FHIT: variants seen among roughly 807,000 people sequenced by gnomAD.
FHIT encodes fragile histidine triad diadenosine triphosphatase, also known as bis(5'-adenosyl)-triphosphatase.
A neutral mutation model predicts 17.9 loss-of-function variants in FHIT; 19 were observed. The observed-to-expected ratio is 1.06, with a 90% CI of 0.74 to 1.56. FHIT has a LOEUF of 1.56. Among genes scored for constraint, FHIT ranks in the 40% most tolerant of loss-of-function variants. The pLI is 0.00. For synonymous variants in FHIT, 81 were observed against 69.7 expected, an observed-to-expected ratio of 1.16 and a Z score of -0.81; for missense variants, 248 against 189.2, an observed-to-expected ratio of 1.31 and a Z score of -1.82.
At chr3:59,903,109 AGAAAT>A (rs1442029458) in intron 8 of FHIT, among the ~76,000 whole-genome samples, 1 of 152,228 alleles carries the variant, frequency 6.6e-6, no homozygotes, top group African/African-American at 2.4e-5. Context: ...CTGTAAAAAA[AGAAAT>A]GAAGTGCGGA....
intron 5 of FHIT, among the ~76,000 whole-genome samples, chr3:60,294,533 C>T (rs972004995): frequency 1.3e-5 from 2 of 152,154 alleles, no homozygotes; most frequent in African/African-American, 4.8e-5. Flanking sequence ...ACAATGAGTA[C>T]AGCCACATGC....
intron 3 of FHIT, among the ~76,000 whole-genome samples, chr3:61,026,286 A>G (rs887815722): frequency 6.6e-6 from 1 of 152,080 alleles, no homozygotes; most frequent in Non-Finnish European, 1.5e-5. Flanking sequence ...GCAGAAGCCA[A>G]GAGTGTTTGG....
chr3:60,058,512 A>T (rs1419525143), intron 5 of FHIT, among the ~76,000 whole-genome samples: 5 of 152,208 alleles, frequency 3.3e-5, no homozygotes, highest in Non-Finnish European at 7.3e-5. Flanking sequence ...TGTACTCAGT[A>T]CCACTGAATG....
chr3:60,546,218 A>AT (rs1442484631), intron 4 of FHIT, among the ~76,000 whole-genome samples: 1 of 152,114 alleles, frequency 6.6e-6, no homozygotes, highest in Non-Finnish European at 1.5e-5. Flanking sequence ...CAGATATTTT[A>AT]TCTTTTCGTT....
intron 4 of FHIT, among the ~76,000 whole-genome samples, chr3:60,647,443 G>A (rs1439157295): frequency 1.3e-5 from 2 of 152,152 alleles, no homozygotes; most frequent in African/African-American, 2.4e-5. Context: ...GAGAGGTGAA[G>A]GGACCTGCCC....
At chr3:59,941,089 AG>A (rs1481140964) in intron 7 of FHIT, among the ~76,000 whole-genome samples, 1 of 152,250 alleles carries the variant, frequency 6.6e-6, no homozygotes, top group Non-Finnish European at 1.5e-5. Flanking sequence ...AAGGAGAGAC[AG>A]GAAGTATCTC....
intron 5 of FHIT, among the ~76,000 whole-genome samples, chr3:60,062,039 T>C (rs1559595278): frequency 1.3e-5 from 2 of 152,196 alleles, no homozygotes; most frequent in South Asian, 4.1e-4. Context: ...ATAAGGCAGC[T>C]GGGGAAGAAA....
chr3:59,959,087 A>T (rs933398045), intron 7 of FHIT, among the ~76,000 whole-genome samples: 19 of 152,214 alleles, frequency 1.2e-4, no homozygotes, highest in Admixed American at 1.2e-3. Flanking sequence ...AGATAGACAG[A>T]TGAGGTACCA....
At chr3:60,309,834 C>G (rs1447357663) in intron 5 of FHIT, among the ~76,000 whole-genome samples, 1 of 152,072 alleles carries the variant, frequency 6.6e-6, no homozygotes, top group African/African-American at 2.4e-5. Context: ...TCTATCAGCT[C>G]AAGTCGCTCC....
At chr3:59,802,252 T>C (rs1305422547) in intron 8 of FHIT, among the ~76,000 whole-genome samples, 1 of 152,344 alleles carries the variant, frequency 6.6e-6, no homozygotes, top group African/African-American at 2.4e-5. Flanking sequence ...CCAAAGCGTC[T>C]GCCCTATTCA....
intron 4 of FHIT, among the ~76,000 whole-genome samples, chr3:60,776,428 T>C (rs1008757300): frequency 1.9e-4 from 29 of 152,216 alleles, no homozygotes; most frequent in African/African-American, 6.5e-4. Context: ...CTTTAATCTT[T>C]AAGAAATAGA....
At chr3:60,179,565 A>AT (rs202238333) in intron 5 of FHIT, among the ~76,000 whole-genome samples, 26 of 151,424 alleles carry the variant, frequency 1.7e-4, no homozygotes, top group Admixed American at 8.5e-4. Context: ...AGGATGTGCC[A>AT]TTTTTTTTTA....
intron 5 of FHIT, among the ~76,000 whole-genome samples, chr3:60,263,999 T>G (rs2107615011): frequency 6.6e-6 from 1 of 152,028 alleles, no homozygotes; most frequent in Middle Eastern, 3.4e-3. Context: ...TTGAATCTAT[T>G]TGATCTGTTC....
chr3:59,849,374 G>GA (rs1005371602), intron 8 of FHIT, among the ~76,000 whole-genome samples: 17 of 147,566 alleles, frequency 1.2e-4, no homozygotes, highest in South Asian at 2.1e-4. Flanking sequence ...CTCTGTCACA[G>GA]AAAAAAAAAA....
Position 61,048,954 on chromosome 3 carries a change from A to G in FHIT, c.-163-6855T>C, listed in dbSNP as rs190453744. On this transcript the variant is annotated intron_variant, in intron 2 of 9. Coordinates refer to ENST00000492590, the MANE Select transcript of FHIT (RefSeq NM_002012.4). ...ATCACTTGGACACAAGGCAGGGGAC[A>G]TCACACACCAGGGCCTGTTGTGGGG... Among the ~76,000 whole-genome samples, 212 of 152,114 alleles carry G rather than the reference A, an allele frequency of 1.4e-3. 1 individual carries two copies. Among genetic ancestry groups the G allele is most frequent in the African/African-American group, 4.9e-3 (203 of 41,490 alleles).
At chr3:61,072,127 C>G (rs1180869287) in intron 2 of FHIT, among the ~76,000 whole-genome samples, 1 of 152,192 alleles carries the variant, frequency 6.6e-6, no homozygotes, top group African/African-American at 2.4e-5. Context: ...GTCATTCTCT[C>G]TGGGTGTTCT....
intron 5 of FHIT, among the ~76,000 whole-genome samples, chr3:60,207,878 G>A (rs1209733028): frequency 6.6e-6 from 1 of 152,148 alleles, no homozygotes; most frequent in South Asian, 2.1e-4. Flanking sequence ...CATTTCTGCA[G>A]ATAAATTTGA....
At chr3:60,798,418 T>C (rs1701066690) in intron 4 of FHIT, among the ~76,000 whole-genome samples, 1 of 152,228 alleles carries the variant, frequency 6.6e-6, no homozygotes, top group African/African-American at 2.4e-5. Flanking sequence ...TCTTTGATAT[T>C]TGGCCCATTT....
At chr3:60,937,930 A>C (rs1451527790) in intron 3 of FHIT, among the ~76,000 whole-genome samples, 2 of 152,068 alleles carry the variant, frequency 1.3e-5, no homozygotes, top group African/African-American at 4.8e-5. Context: ...CCACAGTCTC[A>C]CATAAATACC....
Sources: allele counts gnomAD v4.1 joint callset (sites outside exome capture counted in the v4.1 genomes callset), GRCh38; gene constraint gnomAD v4.1.1; transcripts MANE v1.5; gene names NCBI Gene and HGNC (gene_info 2026-07-23, HGNC 2026-07-21).